The following MEI1 variants were observed in gnomAD, a reference collection of about 807,000 sequenced individuals.
MEI1 encodes meiosis inhibitor protein 1.
Under a neutral mutation model 146.2 loss-of-function variants are expected in MEI1, and 103 were observed. That is an observed-to-expected ratio of 0.70 (90% confidence interval 0.60 to 0.83). The LOEUF is 0.83. MEI1 is among the 40% of genes least tolerant of loss of function. The probability of loss-of-function intolerance (pLI) is 0.00; values close to 1 mark genes in which losing one functional copy is unlikely to be tolerated. For synonymous variants in MEI1, 652 were observed against 628.2 expected, an observed-to-expected ratio of 1.04 and a Z score of -0.57; for missense variants, 1,529 against 1,533.0, an observed-to-expected ratio of 1.00 and a Z score of 0.04.
chr22:41,796,443 C>T (rs949226200), intron 30 of MEI1, among the ~76,000 whole-genome samples: 2 of 151,896 alleles, frequency 1.3e-5, no homozygotes, highest in African/African-American at 4.8e-5. Flanking sequence ...ATCTGCCCCC[C>T]TCGGCCTCCC....
At chr22:41,699,821 C>T (rs971677408) in intron 1 of MEI1, 109 bp downstream of exon 1, 11 of 1,324,274 alleles carry the variant, frequency 8.3e-6, no homozygotes, top group Admixed American at 2.6e-5. Context: ...CGAAACCGGG[C>T]CCCCGCGCTG....
At chr22:41,791,621 G>A (rs143776408) in intron 26 of MEI1, among the ~76,000 whole-genome samples, 1 of 152,286 alleles carries the variant, frequency 6.6e-6, no homozygotes, top group African/African-American at 2.4e-5. Context: ...TACCCATGAG[G>A]GTGGCTAAAA....
chr22:41,778,863 G>T (rs755716120), intron 22 of MEI1, 51 bp downstream of exon 22: 3 of 1,321,540 alleles, frequency 2.3e-6, no homozygotes, highest in Non-Finnish European at 3.2e-6. Flanking sequence ...TGGACGTGCA[G>T]TGGGTGCTCA....
chr22:41,793,735 C>T (rs1226075765), intron 26 of MEI1, 94 bp from the exon 27 acceptor site: 30 of 1,102,912 alleles, frequency 2.7e-5, no homozygotes, highest in Non-Finnish European at 3.4e-5. Context: ...TTCTGAAATC[C>T]AAGTAACTCT....
At chr22:41,717,188 A>G (rs1197767337) in intron 5 of MEI1, among the ~76,000 whole-genome samples, 1 of 151,926 alleles carries the variant, frequency 6.6e-6, no homozygotes, top group Non-Finnish European at 1.5e-5. Flanking sequence ...AATAATAATA[A>G]TTTTTTGAGA....
chr22:41,702,607 A>G (rs2068794418), intron 1 of MEI1, among the ~76,000 whole-genome samples: 1 of 151,804 alleles, frequency 6.6e-6, no homozygotes, highest in African/African-American at 2.4e-5. Flanking sequence ...CACCACGCCT[A>G]GCTAATTTTG....
At chr22:41,716,639 G>A (rs1018206503) in intron 5 of MEI1, among the ~76,000 whole-genome samples, 1 of 148,114 alleles carries the variant, frequency 6.8e-6, no homozygotes, top group African/African-American at 2.5e-5. Context: ...GCCTCCCAAA[G>A]TGCTGGGATT....
In MEI1 at chr22:41,778,963, A is replaced by C. The variant is rs967672533; in HGVS notation, c.2815+151A>C. 70 of 602,124 alleles carry C rather than the reference A, an allele frequency of 1.2e-4. No individual in the cohort carries two copies. The Middle Eastern group carries it at 1.7e-3, about 15-fold the overall frequency. The allele number at this position is 602,124 out of a possible 1,614,324, so 37.3% of individuals were successfully genotyped here. On this transcript the variant is annotated intron_variant, in intron 22 of 30. Transcript: ENST00000401548. ...GTCTGTCCCTAGGGTTTTCTTGCTA[A>C]AGGACCTCTCAGGGCTTTCTCTGCT...
Position 41,724,062 on chromosome 22 carries a change from G to C in MEI1, c.853G>C (p.Val285Leu), listed in dbSNP as rs777985569. ...ATCAGGAAATACCTCACTGCCTTTG[G>C]TGCTCAAAAAGGTAGTTGTCTTGTG... The part of the protein sequence containing the change: ...GSSGNTSLPL[V>L]LKKLLLSRDE... The change falls in exon 7 of 31, where the codon GTG becomes CTG. Residue 285 changes from valine (V) to leucine (L), a missense_variant. Physicochemically the swap from Val to Leu is conservative, Grantham distance 32. This residue lies in a region of MEI1 where 1,212 missense variants were observed against 1,178.9 expected (regional missense o/e 1.03). Coordinates refer to ENST00000401548, the MANE Select transcript of MEI1 (RefSeq NM_152513.4). 1.1e-5 allele frequency: 17 copies of C among 1,613,822 alleles called. No individual in the cohort carries two copies. In the South Asian group the frequency reaches 1.9e-4, roughly 18 times the overall value.
chr22:41,770,880 T>C lies in MEI1; in HGVS notation c.2463T>C (p.Ala821=), dbSNP rs752262157. 1 of 1,614,062 alleles carries C rather than the reference T, an allele frequency of 6.2e-7. No individual in the cohort carries two copies. The highest frequency in any genetic ancestry group is 8.5e-7 in the Non-Finnish European group (1 of 1,179,906). ...AGGAACTGGATGATGTCACCTCTGCTGGGCAGCCCGCCCTTCCTGCCAGCT... is the reference window on the plus strand; with the variant it reads ...AGGAACTGGATGATGTCACCTCTGCCGGGCAGCCCGCCCTTCCTGCCAGCT... The part of the protein sequence containing the change: ...SYEELDDVTS[A]GQPALPASLV... Residue 821 remains alanine, a synonymous_variant, in exon 20 of 31, where the codon GCT becomes GCC. Transcript: ENST00000401548.
chr22:41,765,975 C>T (rs1479475673), intron 19 of MEI1, among the ~76,000 whole-genome samples: 2 of 149,710 alleles, frequency 1.3e-5, no homozygotes, highest in East Asian at 3.9e-4. Flanking sequence ...ACTGCAACCT[C>T]CGCCTCCCGG....
chr22:41,785,954 A>C (rs1321250483), intron 26 of MEI1, among the ~76,000 whole-genome samples: 1 of 131,840 alleles, frequency 7.6e-6, no homozygotes, highest in Non-Finnish European at 1.6e-5. Flanking sequence ...TCTGTCGCCC[A>C]GGCTGGAGTG....
At chr22:41,778,619 A>G (rs1411200283) in intron 21 of MEI1, 89 bp from the exon 22 acceptor site, 2 of 968,616 alleles carry the variant, frequency 2.1e-6, no homozygotes, top group East Asian at 2.6e-5. Context: ...TGAACCTGTT[A>G]TTAAGGGCCA....
intron 6 of MEI1, chr22:41,722,262 C>T (rs1474953699): frequency 2.0e-5 from 3 of 151,672 alleles, no homozygotes; most frequent in Non-Finnish European, 4.4e-5. Context: ...TATTCACTTA[C>T]TTTACAACCC....
intron 1 of MEI1, 37 bp downstream of exon 1, chr22:41,699,749 T>C: frequency 6.6e-7 from 1 of 1,521,904 alleles, no homozygotes; most frequent in Non-Finnish European, 8.8e-7. Context: ...GACCTGGGTT[T>C]GGCCATTTCC....
At chr22:41,728,045 A>G (rs1308633251) in intron 7 of MEI1, among the ~76,000 whole-genome samples, 1 of 152,208 alleles carries the variant, frequency 6.6e-6, no homozygotes, top group Non-Finnish European at 1.5e-5. Flanking sequence ...CCAGACCCAC[A>G]TATACTCAAG....
At chr22:41,774,720 C>G (rs890043263) in intron 20 of MEI1, among the ~76,000 whole-genome samples, 1 of 152,154 alleles carries the variant, frequency 6.6e-6, no homozygotes. Flanking sequence ...ATTGGGGTGA[C>G]ACCTATATGG....
chr22:41,734,957 T>A (rs182033209), intron 11 of MEI1, among the ~76,000 whole-genome samples: 35 of 151,292 alleles, frequency 2.3e-4, no homozygotes, highest in Admixed American at 8.6e-4. Flanking sequence ...TATATTTTTT[T>A]ATTGTATTTT....
chr22:41,776,497 A>T (rs1198602153), intron 21 of MEI1, among the ~76,000 whole-genome samples: 1 of 152,150 alleles, frequency 6.6e-6, no homozygotes, highest in Admixed American at 6.5e-5. Flanking sequence ...GATGTGTTTG[A>T]TGTGTGCATG....
Sources: gnomAD v4.1 joint callset for allele counts (sites outside exome capture counted in the v4.1 genomes callset) on GRCh38, gnomAD v4.1.1 for gene constraint, gnomAD v4.1.1 regional missense constraint, MANE v1.5 for transcripts, NCBI Gene and HGNC (gene_info 2026-07-23, HGNC 2026-07-21) for gene names.